Variants in DNTT observed in about 807,000 individuals in gnomAD.
DNTT encodes the protein nucleosidetriphosphate:DNA deoxynucleotidylexotransferase.
DNTT carries 47 observed loss-of-function variants against 60.9 expected under a neutral mutation model. The ratio of observed to expected loss-of-function variants is 0.77; its 90% CI spans 0.61 to 0.98. The LOEUF (loss-of-function observed/expected upper bound fraction) is 0.98. Ranked by LOEUF, DNTT falls within the 50% of genes least tolerant of loss-of-function variation. DNTT has a pLI of 0.00. For missense variants in DNTT, 665 were observed against 627.5 expected (o/e 1.06, Z -0.64); for synonymous variants, 224 against 221.2 (o/e 1.01, Z -0.11).
intron 6 of DNTT, among the ~76,000 whole-genome samples, chr10:96,325,730 A>G (rs1040415200): frequency 6.6e-6 from 1 of 152,236 alleles, no homozygotes; most frequent in Non-Finnish European, 1.5e-5. Flanking sequence ...TACCCCCACA[A>G]GTAGTTATAG....
At chr10:96,305,532 A>G (rs1459202590) in intron 1 of DNTT, among the ~76,000 whole-genome samples, 1 of 152,236 alleles carries the variant, frequency 6.6e-6, no homozygotes, top group Non-Finnish European at 1.5e-5. Flanking sequence ...ATGGTTCTGG[A>G]TTAAACTGTT....
Position 96,304,666 on chromosome 10 carries a change from C to T in DNTT, c.169C>T (p.Arg57Cys), listed in dbSNP as rs564971723. 9.7e-5 allele frequency: 157 copies of T among 1,614,030 alleles called. No homozygotes were observed. In the South Asian group the frequency reaches 1.1e-3, roughly 12 times the overall value. ...TRRAFLMELARRKGFRVENEL... is the reference protein window; with the variant it reads ...TRRAFLMELACRKGFRVENEL... ...CAGAGCGTTCCTCATGGAGCTGGCC[C>T]GCAGGAAAGGGTTCAGGGTTGAAAA... Residue 57 changes from arginine (R) to cysteine (C), a missense_variant, in exon 1 of 11, where the codon CGC becomes TGC. Coordinates refer to ENST00000371174, the MANE Select transcript of DNTT (RefSeq NM_004088.4).
In DNTT at chr10:96,338,555, G is replaced by A. The variant is rs45588233; in HGVS notation, c.*331G>A. 1,758 of 180,504 alleles carry A rather than the reference G, an allele frequency of 9.7e-3. 13 individuals are homozygous for A. Among genetic ancestry groups the A allele is most frequent in the Non-Finnish European group, 0.016 (1,343 of 86,070 alleles). The allele number at this position is 180,504 out of a possible 1,614,324, so 11.2% of individuals were successfully genotyped here. On this transcript the variant is annotated 3_prime_UTR_variant, in exon 11 of 11. Transcript: ENST00000371174. ...TACTGTCTATCTCTAATAAAAACAG[G>A]AGGAAACAAGATGATGGAATCTGTT...
chr10:96,308,739 T>C (rs546290612), intron 1 of DNTT, among the ~76,000 whole-genome samples: 7 of 152,266 alleles, frequency 4.6e-5, no homozygotes, highest in Admixed American at 4.6e-4. Flanking sequence ...GGTTTTGGGA[T>C]AGGCGGTGGA....
At chr10:96,312,622 C>T (rs950652659) in intron 1 of DNTT, among the ~76,000 whole-genome samples, 1 of 152,122 alleles carries the variant, frequency 6.6e-6, no homozygotes, top group Non-Finnish European at 1.5e-5. Context: ...TGCTGACCCA[C>T]GAAATTGTGA....
chr10:96,321,505 C>A (rs1016866236), intron 4 of DNTT, among the ~76,000 whole-genome samples: 1 of 152,086 alleles, frequency 6.6e-6, no homozygotes, highest in Non-Finnish European at 1.5e-5. Flanking sequence ...TCATAATCTG[C>A]CATTTTGTCT....
chr10:96,335,257 T>C (rs1032369796), intron 9 of DNTT, among the ~76,000 whole-genome samples: 1 of 152,214 alleles, frequency 6.6e-6, no homozygotes, highest in African/African-American at 2.4e-5. Flanking sequence ...CTCCCTTCAG[T>C]CTCAGAGCCC....
Position 96,327,535 on chromosome 10 carries a change from G to T in DNTT, c.942G>T (p.Leu314=), listed in dbSNP as rs978950321. 3 of 1,613,988 alleles carry T rather than the reference G, an allele frequency of 1.9e-6. No individual in the cohort carries two copies. In the African/African-American group the frequency reaches 4.0e-5, roughly 22 times the overall value. The change falls in exon 7 of 11, where the codon CTG becomes CTT. Residue 314 remains leucine, a synonymous_variant. Transcript: ENST00000371174. ...CAGAAGCAGAGGCCGTCAGTGTGCT[G>T]GTTAAAGAGGCTGTCTGGGCATTTC... is the stretch of plus-strand genomic sequence containing the variant. ...TRAEAEAVSV[L]VKEAVWAFLP...
chr10:96,318,161 G>A (rs529444175), intron 1 of DNTT, among the ~76,000 whole-genome samples, 191 bp from the exon 2 acceptor site: 55 of 152,230 alleles, frequency 3.6e-4, no homozygotes, highest in Middle Eastern at 3.4e-3. Context: ...CATGTAACCC[G>A]GACCACTGTT....
At chr10:96,316,453 T>C (rs11188709) in intron 1 of DNTT, among the ~76,000 whole-genome samples, 15,590 of 152,234 alleles carry the variant, frequency 0.1, 872 homozygotes, top group South Asian at 0.17. Flanking sequence ...GCTATCAATG[T>C]TCTGCTCACA....
rs1450273820 is a variant in DNTT at position 96,327,610 on chromosome 10, T to G, written c.1007+10T>G. Reference sequence around the variant, plus strand: ...CAGGAGGGTTCCGGAGGTAAATAACTTGGGTGGCTTTGCCTCCTCTGCCCG... The same window carrying G: ...CAGGAGGGTTCCGGAGGTAAATAACGTGGGTGGCTTTGCCTCCTCTGCCCG... On this transcript the variant is annotated intron_variant, in intron 7 of 10. Coordinates refer to ENST00000371174, the MANE Select transcript of DNTT (RefSeq NM_004088.4). 1 of 1,608,286 alleles carries G rather than the reference T, an allele frequency of 6.2e-7. No homozygotes were observed. Among genetic ancestry groups the G allele is most frequent in the Non-Finnish European group, 8.5e-7 (1 of 1,177,476 alleles).
chr10:96,310,317 C>T (rs1844700422), intron 1 of DNTT, among the ~76,000 whole-genome samples: 2 of 152,332 alleles, frequency 1.3e-5, no homozygotes, highest in South Asian at 4.1e-4. Flanking sequence ...CTATTCTACA[C>T]TTCAAATTTA....
At chr10:96,320,927 C>G (rs968052647) in intron 4 of DNTT, 139 bp downstream of exon 4, 5 of 908,094 alleles carry the variant, frequency 5.5e-6, no homozygotes, top group Non-Finnish European at 8.0e-6. Context: ...ATATTCCTCT[C>G]TCTCTCCTCT....
At chr10:96,318,836 C>A (rs1589372069) in intron 2 of DNTT, among the ~76,000 whole-genome samples, 1 of 152,194 alleles carries the variant, frequency 6.6e-6, no homozygotes, top group Non-Finnish European at 1.5e-5. Context: ...ACAAATCTTT[C>A]AAAATATTTA....
chr10:96,319,313 C>G lies in DNTT; in HGVS notation c.430C>G (p.Pro144Ala). The change falls in exon 3 of 11, where the codon CCA becomes GCA. Residue 144 changes from proline (P) to alanine (A), a missense_variant. By Grantham distance (27) the Pro-to-Ala change is conservative. Transcript: ENST00000371174. ...STNPGPPKTP[P>A]IAVQKISQYA... ...CAACCCAGGCCCCCCGAAGACTCCA[C>G]CAATTGCTGTACAAAAGATCTCCCA... is the stretch of plus-strand genomic sequence containing the variant. 1 of 1,613,890 alleles carries G rather than the reference C, an allele frequency of 6.2e-7. No individual in the cohort carries two copies. The highest frequency in any genetic ancestry group is 1.1e-5 in the South Asian group (1 of 91,058).
chr10:96,333,508 C>T (rs1845031888), intron 9 of DNTT, among the ~76,000 whole-genome samples: 1 of 152,234 alleles, frequency 6.6e-6, no homozygotes. Context: ...GAGAGGTCTG[C>T]ACTCCCGTGT....
intron 1 of DNTT, among the ~76,000 whole-genome samples, chr10:96,306,092 ATTTTT>A (rs66877330): frequency 1.5e-5 from 2 of 131,480 alleles, no homozygotes; most frequent in South Asian, 2.5e-4. Flanking sequence ...AAAAAAATAG[ATTTTT>A]TTTTTTTTTT....
At chr10:96,323,539 C>T (rs1186045391) in intron 5 of DNTT, among the ~76,000 whole-genome samples, 2 of 152,000 alleles carry the variant, frequency 1.3e-5, no homozygotes, top group Non-Finnish European at 2.9e-5. Context: ...GAGTCTGTCA[C>T]TCATGGGTAC....
At chr10:96,312,117 C>T (rs745913588) in intron 1 of DNTT, among the ~76,000 whole-genome samples, 26 of 152,174 alleles carry the variant, frequency 1.7e-4, no homozygotes, top group Non-Finnish European at 2.4e-4. Context: ...AATTATGTCA[C>T]GTACCTGCAG....
Sources: allele counts gnomAD v4.1 joint callset (sites outside exome capture counted in the v4.1 genomes callset), GRCh38; gene constraint gnomAD v4.1.1; transcripts MANE v1.5; gene names NCBI Gene and HGNC (gene_info 2026-07-23, HGNC 2026-07-21).